SNTG2: variants seen among roughly 807,000 people sequenced by gnomAD.
SNTG2 encodes the protein gamma-2-syntrophin.
Under a neutral mutation model 70.9 loss-of-function variants are expected in SNTG2, and 74 were observed. The ratio of observed to expected loss-of-function variants is 1.04; its 90% CI spans 0.86 to 1.27. The LOEUF (loss-of-function observed/expected upper bound fraction) is 1.27. Among genes scored for constraint, SNTG2 ranks in the 50% most tolerant of loss-of-function variants. SNTG2 has a pLI of 0.00. For synonymous variants in SNTG2, 278 were observed against 273.8 expected (o/e 1.02, Z -0.15); for missense variants, 717 against 690.7 (o/e 1.04, Z -0.43).
At chr2:1,145,796 A>G (rs1669063914) in intron 6 of SNTG2, among the ~76,000 whole-genome samples, 1 of 152,262 alleles carries the variant, frequency 6.6e-6, no homozygotes, top group African/African-American at 2.4e-5. Flanking sequence ...TAGATGCAAA[A>G]AATCCTCAAC....
rs145392569 is a variant in SNTG2, at chr2:1,128,621, C to A, written c.326-9001C>A. ...CTCTGGTCTCCCTGCTTCTCTCAGA[C>A]CGTCACAGTTTAATCTGAGTTTCCT... On this transcript the variant is annotated intron_variant, in intron 4 of 16. Coordinates refer to ENST00000308624, the MANE Select transcript of SNTG2 (RefSeq NM_018968.4). 4.6e-5 allele frequency among the ~76,000 whole-genome samples: 7 copies of A among 152,242 alleles called. No homozygotes were observed. In the East Asian group the frequency reaches 1.2e-3, roughly 25 times the overall value.
chr2:1,342,190 A>G (rs952970606), intron 16 of SNTG2, among the ~76,000 whole-genome samples: 1 of 151,930 alleles, frequency 6.6e-6, no homozygotes, highest in Admixed American at 6.5e-5. Context: ...CTCCTTAGAC[A>G]AGGCCGGTTT....
chr2:1,115,851 T>C (rs1266931860), intron 4 of SNTG2, among the ~76,000 whole-genome samples: 1 of 152,228 alleles, frequency 6.6e-6, no homozygotes, highest in Non-Finnish European at 1.5e-5. Flanking sequence ...TGGGGAAGTC[T>C]AGGAATTTTA....
chr2:981,487 G>A (rs1417714577), intron 1 of SNTG2, among the ~76,000 whole-genome samples: 2 of 150,098 alleles, frequency 1.3e-5, no homozygotes, highest in African/African-American at 5.0e-5. Flanking sequence ...ATGCACATGA[G>A]TGCACATGTG....
intron 4 of SNTG2, among the ~76,000 whole-genome samples, chr2:1,119,971 C>T (rs1667280567): frequency 6.6e-6 from 1 of 151,880 alleles, no homozygotes; most frequent in South Asian, 2.1e-4. Flanking sequence ...TTGAATATTA[C>T]AAACAACAAG....
chr2:1,130,519 T>C (rs1667950828), intron 4 of SNTG2, among the ~76,000 whole-genome samples: 1 of 152,220 alleles, frequency 6.6e-6, no homozygotes, highest in South Asian at 2.1e-4. Flanking sequence ...ATTAAAGTTT[T>C]CTTTTTGATA....
intron 1 of SNTG2, among the ~76,000 whole-genome samples, chr2:1,055,007 C>T (rs1165512321): frequency 2.6e-5 from 4 of 151,942 alleles, no homozygotes; most frequent in African/African-American, 9.7e-5. Context: ...AAAACAATTG[C>T]CTCTCACCTC....
At chr2:1,044,848 T>C (rs191648414) in intron 1 of SNTG2, among the ~76,000 whole-genome samples, 26 of 152,270 alleles carry the variant, frequency 1.7e-4, no homozygotes, top group Admixed American at 7.2e-4. Flanking sequence ...GGACTGACGT[T>C]TTCTTTTTTT....
At chr2:1,106,436 A>G (rs1450461918) in intron 4 of SNTG2, among the ~76,000 whole-genome samples, 1 of 105,794 alleles carries the variant, frequency 9.5e-6, no homozygotes, top group Non-Finnish European at 2.0e-5. Context: ...ATAATAATGG[A>G]CACGTGCTGT....
intron 9 of SNTG2, among the ~76,000 whole-genome samples, chr2:1,213,353 C>T (rs1004347364): frequency 1.3e-5 from 2 of 152,106 alleles, no homozygotes; most frequent in African/African-American, 4.8e-5. Context: ...ACCAATTTTC[C>T]CATAGGCTAA....
chr2:1,082,663 A>T (rs1664411461), intron 1 of SNTG2, among the ~76,000 whole-genome samples: 1 of 152,032 alleles, frequency 6.6e-6, no homozygotes, highest in Admixed American at 6.5e-5. Flanking sequence ...CTGCTCCTGC[A>T]CTCCGGAGGC....
rs148256881 is a variant in SNTG2, at chr2:1,133,733, C to T, written c.326-3889C>T. On this transcript the variant is annotated intron_variant, in intron 4 of 16. Transcript: ENST00000308624. The stretch of plus-strand genomic sequence containing the variant: ...TTTTAAGGCTAAAAGTGTCCGTCAG[C>T]TGAAACACATTTCACAGATTTAGTT... 3.6e-4 allele frequency among the ~76,000 whole-genome samples: 55 copies of T among 152,250 alleles called. No individual in the cohort carries two copies. In the East Asian group the frequency reaches 0.011, roughly 29 times the overall value.
chr2:1,133,480 ATATT>A (rs1350289840), intron 4 of SNTG2, among the ~76,000 whole-genome samples: 1 of 152,212 alleles, frequency 6.6e-6, no homozygotes, highest in Non-Finnish European at 1.5e-5. Context: ...AGGAGTTTGA[ATATT>A]TATATGGATT....
intron 14 of SNTG2, among the ~76,000 whole-genome samples, chr2:1,293,796 A>G (rs1680087916): frequency 6.6e-6 from 1 of 152,156 alleles, no homozygotes; most frequent in Non-Finnish European, 1.5e-5. Context: ...AAAGTATGAT[A>G]TCTACATGGG....
At chr2:1,260,372 A>C (rs1678352434) in intron 13 of SNTG2, among the ~76,000 whole-genome samples, 1 of 152,188 alleles carries the variant, frequency 6.6e-6, no homozygotes, top group East Asian at 1.9e-4. Flanking sequence ...TGATAAATAC[A>C]TTTATTTCCC....
chr2:994,913 C>T (rs1360829719), intron 1 of SNTG2, among the ~76,000 whole-genome samples: 4 of 150,652 alleles, frequency 2.7e-5, no homozygotes, highest in African/African-American at 9.8e-5. Flanking sequence ...TTATTGATCT[C>T]GTATCCTGCC....
intron 9 of SNTG2, among the ~76,000 whole-genome samples, chr2:1,230,670 C>T (rs1676157036): frequency 6.6e-6 from 1 of 152,240 alleles, no homozygotes; most frequent in African/African-American, 2.4e-5. Context: ...ATGGGTCCCA[C>T]CTTACGGATA....
chr2:1,124,469 T>G (rs1228239432), intron 4 of SNTG2, among the ~76,000 whole-genome samples: 1 of 152,062 alleles, frequency 6.6e-6, no homozygotes, highest in Non-Finnish European at 1.5e-5. Flanking sequence ...TAATTTTTTT[T>G]GTATTTTTAG....
At chr2:1,076,084 A>T (rs1572372145) in intron 1 of SNTG2, among the ~76,000 whole-genome samples, 1 of 152,238 alleles carries the variant, frequency 6.6e-6, no homozygotes, top group African/African-American at 2.4e-5. Context: ...ACATATGACT[A>T]AAGTCATTGG....
Sources: allele counts gnomAD v4.1 joint callset (sites outside exome capture counted in the v4.1 genomes callset), GRCh38; gene constraint gnomAD v4.1.1; transcripts MANE v1.5; gene names NCBI Gene and HGNC (gene_info 2026-07-23, HGNC 2026-07-21).